SESN3: variants seen among roughly 807,000 people sequenced by gnomAD.
SESN3 encodes sestrin 3.
In SESN3, 21 loss-of-function variants were observed where a neutral mutation model predicts 55.3. The ratio of observed to expected loss-of-function variants is 0.38; its 90% confidence interval spans 0.27 to 0.55. SESN3 has a LOEUF of 0.55. Among genes scored for constraint, SESN3 ranks in the 20% least tolerant of loss-of-function variants. The pLI is 0.76. For synonymous variants in SESN3, 181 were observed against 203.1 expected (o/e 0.89, Z 0.93); for missense variants, 408 against 604.3 (o/e 0.68, Z 3.41).
At chr11:95,214,168 C>T (rs1416116134) in intron 1 of SESN3, among the ~76,000 whole-genome samples, 2 of 152,100 alleles carry the variant, frequency 1.3e-5, no homozygotes, top group African/African-American at 4.8e-5. Context: ...GAAAAATGGT[C>T]ACTAGAAAAG....
At chr11:95,211,172 G>A (rs1860647975) in intron 1 of SESN3, among the ~76,000 whole-genome samples, 1 of 152,156 alleles carries the variant, frequency 6.6e-6, no homozygotes, top group Non-Finnish European at 1.5e-5. Flanking sequence ...GAAACTTGGG[G>A]CATCTCACCC....
intron 1 of SESN3, among the ~76,000 whole-genome samples, chr11:95,212,171 A>G (rs1860667441): frequency 6.6e-6 from 1 of 152,176 alleles, no homozygotes; most frequent in African/African-American, 2.4e-5. Context: ...AGTATTTAAT[A>G]TTTAACTACC....
chr11:95,190,802 T>C (rs1295182798), intron 3 of SESN3, among the ~76,000 whole-genome samples: 1 of 152,010 alleles, frequency 6.6e-6, no homozygotes, highest in Non-Finnish European at 1.5e-5. Context: ...TCCAAATATA[T>C]AGCACTTTCA....
At chr11:95,189,667 CT>C in intron 4 of SESN3, 111 bp downstream of exon 4, 1 of 639,264 alleles carries the variant, frequency 1.6e-6, no homozygotes, top group East Asian at 3.2e-5. Context: ...CTAAACTCAT[CT>C]TTTCTACACA....
chr11:95,183,751 A>G (rs1054300879), intron 6 of SESN3, among the ~76,000 whole-genome samples: 2 of 151,636 alleles, frequency 1.3e-5, no homozygotes, highest in African/African-American at 4.8e-5. Flanking sequence ...TATTGAGTCT[A>G]TGCTATTTTA....
chr11:95,185,971 A>G (rs1860155215), intron 4 of SESN3, among the ~76,000 whole-genome samples: 1 of 152,042 alleles, frequency 6.6e-6, no homozygotes, highest in South Asian at 2.1e-4. Context: ...CAGAAATTGT[A>G]GAATACTACC....
In SESN3 at chr11:95,167,475, C is replaced by CCATATATATATATATATATATATATATAT. The variant is rs563322416; in HGVS notation, c.*5779_*5780insATATATATATATATATATATATATATATG. ...TCAGATATTCATTCTGTTTCCCCCC[C>CCATATATATATATATATATATATATATAT]ATATATATAATTTTTCATTCTGTAC... On this transcript the variant is annotated 3_prime_UTR_variant, in exon 10 of 10. Coordinates refer to ENST00000536441, the MANE Select transcript of SESN3 (RefSeq NM_144665.4). The CCATATATATATATATATATATATATATAT allele has an allele frequency of 4.0e-5, 6 of 150,942 alleles. No homozygotes were observed. Among genetic ancestry groups the CCATATATATATATATATATATATATATAT allele is most frequent in the African/African-American group, 1.5e-4 (6 of 40,344 alleles). 9.4% of individuals were successfully genotyped at this position (150,942 alleles called of 1,614,324 possible). A position where few individuals can be genotyped will look rare whatever the true frequency, so the allele number is the denominator to read the frequency against.
At position 95,173,897 on chromosome 11, in the gene SESN3, A is replaced by G. The variant is rs1192786882; in HGVS notation, c.1393-556T>C. Reference sequence around the variant, plus strand: ...TTCTTTCGGGGTTACATCTCGGCTGATAAGTTAAAATGGGTATCCACAAGT... The same window carrying G: ...TTCTTTCGGGGTTACATCTCGGCTGGTAAGTTAAAATGGGTATCCACAAGT... On this transcript the variant is annotated intron_variant, in intron 9 of 9. Coordinates refer to ENST00000536441, the MANE Select transcript of SESN3 (RefSeq NM_144665.4). Among the ~76,000 whole-genome samples the G allele has an allele frequency of 2.0e-5, 3 of 152,264 alleles. No homozygotes were observed. The East Asian group carries it at 5.8e-4, about 29-fold the overall frequency.
chr11:95,207,846 G>GT lies in SESN3; in HGVS notation c.79-14325dup, dbSNP rs545100252. ...TGTTTTTTTTGTTTTGTTTTGTTTT[G>GT]TTTTTTTTGTAGAGACTGGGTTTCA... is the stretch of plus-strand genomic sequence containing the variant. On this transcript the variant is annotated intron_variant, in intron 1 of 9. Transcript: ENST00000536441. Among the ~76,000 whole-genome samples the GT allele has an allele frequency of 4.6e-4, 68 of 149,344 alleles. 3 individuals are homozygous for GT. The highest frequency in any genetic ancestry group is 4.3e-3 in the East Asian group (22 of 5,142).
chr11:95,206,365 T>TACACACACACACAC (rs3032056), intron 1 of SESN3, among the ~76,000 whole-genome samples: 1 of 140,378 alleles, frequency 7.1e-6, no homozygotes, highest in African/African-American at 2.6e-5. Context: ...AGTCCTAAAA[T>TACACACACACACAC]ACACACACAC....
rs1859776561 is a variant in SESN3, at chr11:95,167,696, A to G, written c.*5559T>C. The G allele has an allele frequency of 6.6e-6, 1 of 152,166 alleles. No individual in the cohort carries two copies. The highest frequency in any genetic ancestry group is 2.4e-5 in the African/African-American group (1 of 41,432). 9.4% of individuals were successfully genotyped at this position (152,166 alleles called of 1,614,324 possible). A position where few individuals can be genotyped will look rare whatever the true frequency, so the allele number is the denominator to read the frequency against. On this transcript the variant is annotated 3_prime_UTR_variant, in exon 10 of 10. Coordinates refer to ENST00000536441, the MANE Select transcript of SESN3 (RefSeq NM_144665.4). ...GAGTTGTTCATGAATGAGATGGAAA[A>G]CAACCAAATACTACAAGAAATAATA...
chr11:95,231,293 G>A (rs1332722797), upstream of SESN3: 14 of 391,524 alleles, frequency 3.6e-5, no homozygotes, highest in African/African-American at 2.3e-4. Flanking sequence ...TACGCCCCCA[G>A]GGCGCTAGCC....
chr11:95,207,841 GT>G (rs1450914297), intron 1 of SESN3, among the ~76,000 whole-genome samples: 1 of 150,156 alleles, frequency 6.7e-6, no homozygotes, highest in African/African-American at 2.4e-5. Flanking sequence ...GTTTTGTTTT[GT>G]TTTGTTTTTT....
chr11:95,221,438 TTTC>T (rs1291838891), intron 1 of SESN3, among the ~76,000 whole-genome samples: 3 of 152,232 alleles, frequency 2.0e-5, no homozygotes, highest in Non-Finnish European at 4.4e-5. Context: ...ACAAATTTCA[TTTC>T]TTCAACTGAC....
At chr11:95,217,036 G>A (rs1469428239) in intron 1 of SESN3, among the ~76,000 whole-genome samples, 1 of 151,656 alleles carries the variant, frequency 6.6e-6, no homozygotes, top group Non-Finnish European at 1.5e-5. Flanking sequence ...AACCCTGGAG[G>A]TGGGGGTTGC....
rs781304580 is a variant in SESN3 at position 95,173,118 on chromosome 11, CAA to C, written c.*135_*136del. 5.2e-4 allele frequency: 216 copies of C among 415,624 alleles called. No individual in the cohort carries two copies. Among genetic ancestry groups the C allele is most frequent in the South Asian group, 1.7e-3 (34 of 20,180 alleles). 25.7% of individuals were successfully genotyped at this position (415,624 alleles called of 1,614,324 possible). A position where few individuals can be genotyped will look rare whatever the true frequency, so the allele number is the denominator to read the frequency against. On this transcript the variant is annotated 3_prime_UTR_variant, in exon 10 of 10. Coordinates refer to ENST00000536441, the MANE Select transcript of SESN3 (RefSeq NM_144665.4). ...CATTGCACATTACAGCCGCAAAAAA[CAA>C]AAAAAAAAAAACAAACGGCTAAACT...
intron 8 of SESN3, 90 bp from the exon 9 acceptor site, chr11:95,175,732 T>A: frequency 9.5e-7 from 1 of 1,054,378 alleles, no homozygotes; most frequent in Non-Finnish European, 1.4e-6. Flanking sequence ...GTCTAGTAAT[T>A]AAATACTAAA....
intron 1 of SESN3, among the ~76,000 whole-genome samples, chr11:95,206,001 T>G (rs541789506): frequency 1.0e-3 from 157 of 152,262 alleles, no homozygotes; most frequent in African/African-American, 3.4e-3. Flanking sequence ...AAGTGTTCCC[T>G]TATATGAACA....
chr11:95,227,750 G>A (rs990701753), intron 1 of SESN3, among the ~76,000 whole-genome samples: 2 of 152,074 alleles, frequency 1.3e-5, no homozygotes, highest in African/African-American at 4.8e-5. Context: ...TTTATTTACT[G>A]GAAGATGAGT....
Sources: allele counts gnomAD v4.1 joint callset (sites outside exome capture counted in the v4.1 genomes callset), GRCh38; gene constraint gnomAD v4.1.1; transcripts MANE v1.5; gene names NCBI Gene and HGNC (gene_info 2026-07-23, HGNC 2026-07-21).